Variants in NLGN1 observed in about 807,000 individuals in gnomAD.
NLGN1 encodes the protein neuroligin 1.
A neutral mutation model predicts 65.5 loss-of-function variants in NLGN1; 12 were observed. The ratio of observed to expected loss-of-function variants is 0.18; its 90% CI spans 0.12 to 0.30. The LOEUF is 0.30. Ranked by LOEUF, NLGN1 falls within the 10% of genes least tolerant of loss-of-function variation. The probability of loss-of-function intolerance (pLI) is 1.00; values close to 1 mark genes in which losing one functional copy is unlikely to be tolerated. For synonymous variants in NLGN1, 350 were observed against 359.5 expected (o/e 0.97, Z 0.30); for missense variants, 750 against 1,007.1 (o/e 0.74, Z 3.46).
At chr3:174,205,930 G>A (rs944775570) in intron 4 of NLGN1, among the ~76,000 whole-genome samples, 4 of 152,090 alleles carry the variant, frequency 2.6e-5, no homozygotes, top group Non-Finnish European at 1.5e-5. Flanking sequence ...TCAGTGCCCA[G>A]CAACCAGAGC....
chr3:173,752,924 G>A (rs894641432), intron 3 of NLGN1, among the ~76,000 whole-genome samples: 1 of 151,992 alleles, frequency 6.6e-6, no homozygotes, highest in Non-Finnish European at 1.5e-5. Context: ...ACTCTCCTCC[G>A]ATACCTACCA....
At chr3:174,167,201 T>C (rs991802913) in intron 4 of NLGN1, among the ~76,000 whole-genome samples, 1 of 152,150 alleles carries the variant, frequency 6.6e-6, no homozygotes, top group Admixed American at 6.6e-5. Context: ...AATATTGATA[T>C]ATGAGGTTTT....
At chr3:174,061,275 G>T (rs1301818954) in intron 4 of NLGN1, among the ~76,000 whole-genome samples, 1 of 152,112 alleles carries the variant, frequency 6.6e-6, no homozygotes, top group Non-Finnish European at 1.5e-5. Flanking sequence ...ATGCTATGGG[G>T]TTTTCAGCAG....
Position 173,592,058 on chromosome 3 carries a change from A to G in NLGN1, c.-320-12221A>G, listed in dbSNP as rs148961247. ...TCCTGTGGTATTTTACATATACATT[A>G]AAACTGTTGCCCATGACTTTTGAAT... is the stretch of plus-strand genomic sequence containing the variant. On this transcript the variant is annotated intron_variant, in intron 2 of 6. Transcript: ENST00000457714. 4.6e-3 allele frequency among the ~76,000 whole-genome samples: 707 copies of G among 152,302 alleles called. 6 individuals are homozygous for G. Among genetic ancestry groups the G allele is most frequent in the African/African-American group, 0.016 (671 of 41,564 alleles).
intron 4 of NLGN1, among the ~76,000 whole-genome samples, chr3:174,141,236 G>T (rs1374477201): frequency 6.6e-6 from 1 of 151,966 alleles, no homozygotes; most frequent in African/African-American, 2.4e-5. Flanking sequence ...CATTTTTCAG[G>T]CAGTTAACAG....
chr3:173,663,266 A>G (rs762237330), intron 3 of NLGN1, among the ~76,000 whole-genome samples: 9 of 152,004 alleles, frequency 5.9e-5, no homozygotes, highest in Non-Finnish European at 1.3e-4. Flanking sequence ...TTAAGTGCTT[A>G]TAAGGAAAAG....
chr3:174,266,859 T>A (rs1189431003), intron 4 of NLGN1, among the ~76,000 whole-genome samples: 1 of 152,194 alleles, frequency 6.6e-6, no homozygotes, highest in Non-Finnish European at 1.5e-5. Context: ...TTCTTTTAAT[T>A]CTTCTTGACT....
intron 4 of NLGN1, among the ~76,000 whole-genome samples, chr3:174,273,555 TTGAG>T (rs145105168): frequency 0.024 from 3,646 of 149,546 alleles, 109 homozygotes; most frequent in Middle Eastern, 0.082. Flanking sequence ...TATATGAATA[TTGAG>T]TATTTGCAAA....
intron 3 of NLGN1, among the ~76,000 whole-genome samples, chr3:173,776,789 A>G (rs1311986527): frequency 6.6e-6 from 1 of 151,986 alleles, no homozygotes; most frequent in Non-Finnish European, 1.5e-5. Flanking sequence ...TACCTCTCTG[A>G]TCCTCTGTTA....
At chr3:173,788,212 A>C (rs1342528393) in intron 3 of NLGN1, among the ~76,000 whole-genome samples, 1 of 148,854 alleles carries the variant, frequency 6.7e-6, no homozygotes, top group Non-Finnish European at 1.5e-5. Context: ...TTTGCAAAAA[A>C]AAAAAAAAAA....
chr3:173,870,738 G>C (rs952608726), intron 4 of NLGN1, among the ~76,000 whole-genome samples: 8 of 152,158 alleles, frequency 5.3e-5, no homozygotes, highest in Non-Finnish European at 1.2e-4. Flanking sequence ...CTTAATACAT[G>C]CAGAGAAAGT....
intron 1 of NLGN1, among the ~76,000 whole-genome samples, chr3:173,401,907 A>G (rs563381750): frequency 1.3e-5 from 2 of 152,278 alleles, no homozygotes; most frequent in Non-Finnish European, 2.9e-5. Context: ...CCTTTTGATG[A>G]TATTTTACTT....
chr3:173,740,751 A>G (rs910935890), intron 3 of NLGN1, among the ~76,000 whole-genome samples: 4 of 152,148 alleles, frequency 2.6e-5, no homozygotes, highest in Middle Eastern at 3.2e-3. Flanking sequence ...GGAAGCAATC[A>G]TGTGTTTAAT....
chr3:173,665,552 G>A (rs756998482), intron 3 of NLGN1, among the ~76,000 whole-genome samples: 13 of 151,956 alleles, frequency 8.6e-5, no homozygotes, highest in Non-Finnish European at 1.6e-4. Context: ...ATATTTCTGC[G>A]GAAATGACAA....
intron 4 of NLGN1, among the ~76,000 whole-genome samples, chr3:174,139,550 G>A (rs1047877394): frequency 1.3e-5 from 2 of 151,796 alleles, no homozygotes; most frequent in African/African-American, 4.8e-5. Context: ...CCAAGTTTTG[G>A]CAATTATGAA....
intron 4 of NLGN1, among the ~76,000 whole-genome samples, chr3:174,103,524 G>GT (rs1223500548): frequency 6.6e-6 from 1 of 151,952 alleles, no homozygotes; most frequent in African/African-American, 2.4e-5. Flanking sequence ...GGGAGAATGG[G>GT]TTTTTTATTG....
intron 4 of NLGN1, among the ~76,000 whole-genome samples, chr3:173,855,165 G>A (rs555684740): frequency 5.6e-4 from 85 of 151,940 alleles, no homozygotes; most frequent in Non-Finnish European, 9.4e-4. Context: ...GTTGATTATG[G>A]TGTTCATAAG....
At chr3:173,457,401 A>G (rs953219944) in intron 2 of NLGN1, among the ~76,000 whole-genome samples, 2 of 152,130 alleles carry the variant, frequency 1.3e-5, no homozygotes, top group African/African-American at 4.8e-5. Context: ...TTCACAAAGC[A>G]TAAAGACAAG....
At chr3:173,691,398 A>G (rs1208028195) in intron 3 of NLGN1, among the ~76,000 whole-genome samples, 4 of 152,242 alleles carry the variant, frequency 2.6e-5, no homozygotes, top group Middle Eastern at 3.4e-3. Context: ...TTCTTAATTT[A>G]TAATAGGCTC....
Sources: gnomAD v4.1 joint callset for allele counts (sites outside exome capture counted in the v4.1 genomes callset) on GRCh38, gnomAD v4.1.1 for gene constraint, MANE v1.5 for transcripts, NCBI Gene and HGNC (gene_info 2026-07-23, HGNC 2026-07-21) for gene names.